The following CUL3 variants were observed in gnomAD, a reference collection of about 807,000 sequenced individuals.
The protein encoded by CUL3 is cullin-3.
In CUL3, 19 loss-of-function variants were observed where a neutral mutation model predicts 89.1. The ratio of observed to expected loss-of-function variants is 0.21; its 90% CI spans 0.15 to 0.31. CUL3 has a LOEUF of 0.31. Ranked by LOEUF, CUL3 falls within the 10% of genes least tolerant of loss-of-function variation. CUL3 has a pLI of 1.00. For synonymous variants in CUL3, 351 were observed against 308.4 expected, an observed-to-expected ratio of 1.14 and a Z score of -1.45; for missense variants, 469 against 942.3, an observed-to-expected ratio of 0.50 and a Z score of 6.58.
intron 3 of CUL3, among the ~76,000 whole-genome samples, chr2:224,524,532 C>G (rs982620530): frequency 7.2e-5 from 11 of 152,148 alleles, no homozygotes; most frequent in African/African-American, 2.4e-4. Context: ...ACACCTCAGG[C>G]TTTCTTTCAG....
intron 13 of CUL3, among the ~76,000 whole-genome samples, chr2:224,491,453 G>T (rs1691972937): frequency 6.6e-6 from 1 of 152,092 alleles, no homozygotes; most frequent in Non-Finnish European, 1.5e-5. Flanking sequence ...CTCTTCTAAA[G>T]AAATGTTTTC....
intron 15 of CUL3, chr2:224,474,597 T>TTA (rs1413752504): frequency 2.2e-6 from 1 of 458,506 alleles, no homozygotes; most frequent in Admixed American, 3.5e-5. Context: ...TGGATAGCAG[T>TTA]TGAATAATTG....
chr2:224,507,056 C>T (rs890185976), intron 6 of CUL3, 53 bp from the exon 7 acceptor site: 33 of 1,549,004 alleles, frequency 2.1e-5, no homozygotes, highest in Middle Eastern at 1.7e-4. Flanking sequence ...GAAAAAAACA[C>T]GAATCTCTGT....
At chr2:224,511,605 T>C (rs780576931) in intron 5 of CUL3, 23 bp from the exon 6 acceptor site, 13 of 1,315,068 alleles carry the variant, frequency 9.9e-6, no homozygotes, top group African/African-American at 9.1e-5. Flanking sequence ...AATATATATA[T>C]TTTTTAAACA....
intron 2 of CUL3, among the ~76,000 whole-genome samples, chr2:224,545,537 A>G (rs1308208958): frequency 6.6e-6 from 1 of 152,222 alleles, no homozygotes; most frequent in Non-Finnish European, 1.5e-5. Flanking sequence ...AGTGTCCAAA[A>G]TGAAGCTCTT....
chr2:224,479,333 T>G (rs555289660), intron 14 of CUL3: 98 of 151,650 alleles, frequency 6.5e-4, no homozygotes, highest in Middle Eastern at 3.4e-3. Context: ...ATTTCCCAAG[T>G]GTAAGATAAT....
At chr2:224,541,639 A>G (rs1574674899) in intron 2 of CUL3, among the ~76,000 whole-genome samples, 3 of 152,326 alleles carry the variant, frequency 2.0e-5, no homozygotes, top group Admixed American at 2.0e-4. Flanking sequence ...CTCTACTCAC[A>G]ACCACAAAAT....
intron 3 of CUL3, among the ~76,000 whole-genome samples, chr2:224,525,891 G>A (rs1479822830): frequency 6.6e-6 from 1 of 152,174 alleles, no homozygotes; most frequent in Admixed American, 6.5e-5. Flanking sequence ...AGAGCTAAAA[G>A]GGCTCTAACA....
intron 12 of CUL3, 68 bp from the exon 13 acceptor site, chr2:224,496,034 T>C (rs2106180690): frequency 6.6e-7 from 1 of 1,526,138 alleles, no homozygotes; most frequent in Non-Finnish European, 9.0e-7. Flanking sequence ...TGTATGTATG[T>C]ACGTACATAT....
rs566242900 is a variant in CUL3, at chr2:224,560,120, T to C, written c.67-2264A>G. 2.6e-5 allele frequency among the ~76,000 whole-genome samples: 4 copies of C among 152,230 alleles called. No homozygotes were observed. In the South Asian group the frequency reaches 8.3e-4, roughly 32 times the overall value. ...GAAAAAAAAGAAACAAATTCCTCAC[T>C]TAACTTCCAAGCACTACAATCTCTT... On this transcript the variant is annotated intron_variant, in intron 1 of 15. Coordinates refer to ENST00000264414, the MANE Select transcript of CUL3 (RefSeq NM_003590.5).
At chr2:224,564,165 A>T (rs942471559) in intron 1 of CUL3, among the ~76,000 whole-genome samples, 23 of 149,876 alleles carry the variant, frequency 1.5e-4, no homozygotes, top group Non-Finnish European at 6.0e-5. Context: ...ACACACCTGT[A>T]ATCTCAGCTA....
intron 14 of CUL3, 99 bp downstream of exon 14, chr2:224,481,793 A>C (rs577970903): frequency 1.3e-6 from 1 of 787,158 alleles, no homozygotes; most frequent in South Asian, 2.8e-5. Flanking sequence ...ATGCAGCACC[A>C]GAAAAGGAGT....
chr2:224,500,315 T>C (rs1692330374), intron 11 of CUL3, 48 bp downstream of exon 11: 5 of 1,594,034 alleles, frequency 3.1e-6, no homozygotes, highest in Non-Finnish European at 3.4e-6. Flanking sequence ...ATTTTTAATT[T>C]TGAACACTTA....
intron 6 of CUL3, among the ~76,000 whole-genome samples, chr2:224,507,587 C>A (rs1276899105): frequency 2.0e-5 from 3 of 152,058 alleles, no homozygotes; most frequent in Non-Finnish European, 4.4e-5. Flanking sequence ...AATATAAATA[C>A]CACTTCTTCA....
chr2:224,583,302 G>C (rs544443291), intron 1 of CUL3, among the ~76,000 whole-genome samples: 2 of 152,108 alleles, frequency 1.3e-5, no homozygotes, highest in Admixed American at 6.6e-5. Flanking sequence ...CGGAGGTTGC[G>C]GTTAGCTGAG....
Position 224,470,221 on chromosome 2 carries a change from C to G in CUL3, c.*4024G>C. 4.8e-6 allele frequency: 1 copy of G among 210,376 alleles called. No homozygotes were observed. The allele number at this position is 210,376 out of a possible 1,614,324, so 13.0% of individuals were successfully genotyped here. ...TATGCAATAAAGTTTATTAGTTGAA[C>G]TGTCCTGTTATTAAAATCTTGAAAT... On this transcript the variant is annotated 3_prime_UTR_variant, in exon 16 of 16. Coordinates refer to ENST00000264414, the MANE Select transcript of CUL3 (RefSeq NM_003590.5).
intron 1 of CUL3, among the ~76,000 whole-genome samples, chr2:224,567,139 C>T (rs1285426574): frequency 1.3e-5 from 2 of 152,174 alleles, no homozygotes; most frequent in Non-Finnish European, 2.9e-5. Context: ...TATGTGAAAA[C>T]CGCAAAAGAA....
At chr2:224,481,359 T>C (rs1691531965) in intron 14 of CUL3, among the ~76,000 whole-genome samples, 1 of 151,638 alleles carries the variant, frequency 6.6e-6, no homozygotes, top group Non-Finnish European at 1.5e-5. Flanking sequence ...ATGTTAAATG[T>C]TTAATGAATA....
intron 3 of CUL3, among the ~76,000 whole-genome samples, chr2:224,521,147 T>C (rs1474343548): frequency 6.6e-6 from 1 of 152,260 alleles, no homozygotes; most frequent in Non-Finnish European, 1.5e-5. Context: ...ATAGTCATTA[T>C]GTTACAGAAA....
Sources: allele counts gnomAD v4.1 joint callset (sites outside exome capture counted in the v4.1 genomes callset), GRCh38; gene constraint gnomAD v4.1.1; transcripts MANE v1.5; gene names NCBI Gene and HGNC (gene_info 2026-07-23, HGNC 2026-07-21).